CCNF: variants seen among roughly 807,000 people sequenced by gnomAD.
The protein encoded by CCNF is cyclin-F.
In CCNF, 30 loss-of-function variants were observed where a neutral mutation model predicts 85.4. The observed-to-expected ratio is 0.35, with a 90% CI of 0.26 to 0.48. CCNF has a LOEUF of 0.48. CCNF is among the 20% of genes least tolerant of loss of function. The pLI, the probability that CCNF is intolerant of heterozygous loss-of-function variation, is 0.99. For synonymous variants in CCNF, 439 were observed against 425.1 expected (o/e 1.03, Z -0.40); for missense variants, 919 against 1,010.4 (o/e 0.91, Z 1.23).
At position 2,443,814 on chromosome 16, in the gene CCNF, G is replaced by C; in HGVS notation, c.929+14G>C. 3 of 1,613,424 alleles carry C rather than the reference G, an allele frequency of 1.9e-6. No homozygotes were observed. Among genetic ancestry groups the C allele is most frequent in the Non-Finnish European group, 1.7e-6 (2 of 1,179,486 alleles). On this transcript the variant is annotated intron_variant, in intron 9 of 16. Transcript: ENST00000397066. Reference sequence around the variant, plus strand: ...TGACACAATGAGGTGAGGCATTCAGGCCGGGGCTTCTAATCAGAGCGGCGC... The same window carrying C: ...TGACACAATGAGGTGAGGCATTCAGCCCGGGGCTTCTAATCAGAGCGGCGC...
At chr16:2,432,594 G>A (rs1217233779) in intron 2 of CCNF, among the ~76,000 whole-genome samples, 2 of 152,128 alleles carry the variant, frequency 1.3e-5, no homozygotes, top group South Asian at 2.1e-4. Flanking sequence ...CACTAGCAAG[G>A]CCTCCAGCGG....
chr16:2,439,851 TGG>T, intron 8 of CCNF, 25 bp downstream of exon 8: 1 of 1,601,780 alleles, frequency 6.2e-7, no homozygotes, highest in Non-Finnish European at 8.6e-7. Flanking sequence ...TGGGATGACG[TGG>T]GGAGCTGGCC....
chr16:2,447,076 G>A (rs1237523007), intron 10 of CCNF, among the ~76,000 whole-genome samples: 1 of 152,092 alleles, frequency 6.6e-6, no homozygotes. Context: ...TCGGGCGGCC[G>A]CCTCCCTGGA....
Position 2,445,470 on chromosome 16 carries a change from C to G in CCNF, c.942C>G (p.Ile314Met), listed in dbSNP as rs551656222. The G allele has an allele frequency of 6.2e-7, 1 of 1,614,144 alleles. No individual in the cohort carries two copies. The highest frequency in any genetic ancestry group is 1.7e-5 in the Admixed American group (1 of 60,018). The change falls in exon 10 of 17, where the codon ATC becomes ATG. Residue 314 changes from isoleucine to methionine, a missense_variant. Coordinates refer to ENST00000397066, the MANE Select transcript of CCNF (RefSeq NM_001761.3). ...TCTCTTTCCGCAGGTACATTCTGAT[C>G]GACTGGCTGGTGGAAGTTGCCACCA... ...GLNDTMRYILIDWLVEVATMK... is the reference protein window; with the variant it reads ...GLNDTMRYILMDWLVEVATMK...
chr16:2,444,623 G>T (rs1443268747), intron 9 of CCNF, among the ~76,000 whole-genome samples: 3 of 151,432 alleles, frequency 2.0e-5, no homozygotes, highest in Admixed American at 6.6e-5. Context: ...TTGAGACAGG[G>T]TCTGGCTCTG....
In CCNF at chr16:2,453,114, C is replaced by A; in HGVS notation, c.1488-96C>A. 1 of 1,008,376 alleles carries A rather than the reference C, an allele frequency of 9.9e-7. No homozygotes were observed. The highest frequency in any genetic ancestry group is 1.6e-6 in the Non-Finnish European group (1 of 639,676). The allele number at this position is 1,008,376 out of a possible 1,614,324, so 62.5% of individuals were successfully genotyped here. On this transcript the variant is annotated intron_variant, in intron 13 of 16. Transcript: ENST00000397066. The surrounding 1 kb of genome is among the most constrained non-coding windows in gnomAD (Gnocchi z 5.6). The stretch of plus-strand genomic sequence containing the variant: ...GCCAGGTCAGATTCCAGAGTGACTG[C>A]ACCATTTTGCATTCTCATTGCTCAC...
At chr16:2,431,090 T>C (rs1291603749) in intron 1 of CCNF, 40 bp from the exon 2 acceptor site, 2 of 1,606,630 alleles carry the variant, frequency 1.2e-6, no homozygotes, top group African/African-American at 2.7e-5. Flanking sequence ...TATAGAATAA[T>C]TTTTCATCTT....
intron 5 of CCNF, 137 bp from the exon 6 acceptor site, chr16:2,437,933 T>C: frequency 5.3e-6 from 3 of 566,254 alleles, no homozygotes; most frequent in East Asian, 3.0e-5. Context: ...GACTGAAATC[T>C]GGGAGTGGCC....
At position 2,449,272 on chromosome 16, in the gene CCNF, G is replaced by A. The variant is rs754886746; in HGVS notation, c.1219-10G>A. 3 of 1,613,256 alleles carry A rather than the reference G, an allele frequency of 1.9e-6. No homozygotes were observed. The highest frequency in any genetic ancestry group is 3.3e-5 in the Admixed American group (2 of 60,022). On this transcript the variant is annotated splice_polypyrimidine_tract_variant and intron_variant, in intron 11 of 16. Transcript: ENST00000397066. ...GCGCTGAGAGCCCACACCCCGTCCCGGCTGTCTAGGTCCCCACTGTGGTGG... is the reference window on the plus strand; with the variant it reads ...GCGCTGAGAGCCCACACCCCGTCCCAGCTGTCTAGGTCCCCACTGTGGTGG...
chr16:2,449,098 G>T (rs1330551374), intron 11 of CCNF, 120 bp downstream of exon 11: 1 of 1,499,882 alleles, frequency 6.7e-7, no homozygotes, highest in Non-Finnish European at 9.2e-7. Context: ...AGCTGTCTCT[G>T]CTGTGCCCAA....
At position 2,451,157 on chromosome 16, in the gene CCNF, C is replaced by A. The variant is rs903157255; in HGVS notation, c.1487+1242C>A. On this transcript the variant is annotated intron_variant, in intron 13 of 16. Coordinates refer to ENST00000397066, the MANE Select transcript of CCNF (RefSeq NM_001761.3). The surrounding 1 kb of genome is among the most constrained non-coding windows in gnomAD (Gnocchi z 4.3). ...CATGAAGTCCCTACCGTGGTCCAGG[C>A]GCTGGGGGAGAGGGCAGGACAGAGA... is the stretch of plus-strand genomic sequence containing the variant. Among the ~76,000 whole-genome samples the A allele has an allele frequency of 6.6e-6, 1 of 152,216 alleles. No individual in the cohort carries two copies. The highest frequency in any genetic ancestry group is 2.4e-5 in the African/African-American group (1 of 41,466).
At chr16:2,440,523 G>A (rs995542168) in intron 8 of CCNF, among the ~76,000 whole-genome samples, 3 of 152,020 alleles carry the variant, frequency 2.0e-5, no homozygotes, top group Non-Finnish European at 4.4e-5. Context: ...CAGGAGAATC[G>A]CTTGAACCCG....
chr16:2,449,920 GT>G lies in CCNF; in HGVS notation c.1487+9del. 6.2e-7 allele frequency: 1 copy of G among 1,609,300 alleles called. No homozygotes were observed. The highest frequency in any genetic ancestry group is 8.5e-7 in the Non-Finnish European group (1 of 1,175,722). Reference sequence around the variant, plus strand: ...CTTGAGCCTCCATAAGAAGTGGTGAGTTTTGGCCGGGCGCAGAGGCTCATGC... The same window carrying G: ...CTTGAGCCTCCATAAGAAGTGGTGAGTTTGGCCGGGCGCAGAGGCTCATGC... On this transcript the variant is annotated splice_donor_region_variant and intron_variant, in intron 13 of 16. Transcript: ENST00000397066.
intron 8 of CCNF, among the ~76,000 whole-genome samples, chr16:2,440,132 G>C (rs183262744): frequency 4.0e-4 from 61 of 152,296 alleles, no homozygotes; most frequent in African/African-American, 1.2e-3. Context: ...TGCCATTCTT[G>C]AAAGTTGTCC....
In CCNF at chr16:2,448,972, G is replaced by A; in HGVS notation, c.1212G>A (p.Lys404=). 1 of 1,613,678 alleles carries A rather than the reference G, an allele frequency of 6.2e-7. No individual in the cohort carries two copies. The highest frequency in any genetic ancestry group is 8.5e-7 in the Non-Finnish European group (1 of 1,179,736). Residue 404 remains lysine (K), a synonymous_variant, in exon 11 of 17, where the codon AAG becomes AAA. Coordinates refer to ENST00000397066, the MANE Select transcript of CCNF (RefSeq NM_001761.3). ...AGATCGTCTCCGCCTTGGAAGGGAA[G>A]ATTCGAGTAAGCAGCGGTTCCATTT... ...MGEIVSALEG[K]IRVPTVVDYK... is the part of the protein sequence containing the mutation.
chr16:2,437,416 C>A (rs1013050737), intron 5 of CCNF, 94 bp downstream of exon 5: 1 of 959,686 alleles, frequency 1.0e-6, no homozygotes, highest in Non-Finnish European at 1.5e-6. Flanking sequence ...CCTGGAAAGT[C>A]AGGAGCCTAA....
Position 2,455,548 on chromosome 16 carries a change from C to G in CCNF, c.1869C>G (p.Gly623=), listed in dbSNP as rs946248562. ...SGYEGDQESE[G]EKEGDVTAPS... ...ATGAAGGCGACCAGGAGAGTGAGGG[C>G]GAGAAGGAGGGCGACGGTGAGTGTG... Residue 623 remains glycine, a synonymous_variant, in exon 16 of 17, where the codon GGC becomes GGG. Transcript: ENST00000397066. 4.4e-6 allele frequency: 7 copies of G among 1,597,748 alleles called. No homozygotes were observed. The highest frequency in any genetic ancestry group is 6.0e-6 in the Non-Finnish European group (7 of 1,166,930).
chr16:2,432,237 C>T (rs1416422509), intron 2 of CCNF, among the ~76,000 whole-genome samples: 1 of 152,138 alleles, frequency 6.6e-6, no homozygotes, highest in African/African-American at 2.4e-5. Context: ...ACATTTAACA[C>T]TGAAATGGAC....
Position 2,449,723 on chromosome 16 carries a change from C to A in CCNF, c.1400-105C>A. On this transcript the variant is annotated intron_variant, in intron 12 of 16. Transcript: ENST00000397066. ...AAACTCCACAGCAGAGCCCACAGAG[C>A]TATAGAGCGGGAGTGTTCAGGCGGC... 11 of 819,930 alleles carry A rather than the reference C, an allele frequency of 1.3e-5. No homozygotes were observed. The South Asian group carries it at 1.5e-4, about 11-fold the overall frequency. The allele number at this position is 819,930 out of a possible 1,614,324, so 50.8% of individuals were successfully genotyped here. A position where few individuals can be genotyped will look rare whatever the true frequency, so the allele number is the denominator to read the frequency against.
Sources: gnomAD v4.1 joint callset for allele counts (sites outside exome capture counted in the v4.1 genomes callset) on GRCh38, gnomAD v4.1.1 for gene constraint, Gnocchi (gnomAD v3.1) non-coding constraint, MANE v1.5 for transcripts, NCBI Gene and HGNC (gene_info 2026-07-23, HGNC 2026-07-21) for gene names.